STAP1: variants seen among roughly 807,000 people sequenced by gnomAD.
STAP1 encodes signal transducing adaptor family member 1, also known as signal-transducing adaptor protein 1.
In STAP1, 30 loss-of-function variants were observed where a neutral mutation model predicts 37.8. The ratio of observed to expected loss-of-function variants is 0.79; its 90% CI spans 0.59 to 1.08. The LOEUF (loss-of-function observed/expected upper bound fraction) is 1.08. Ranked by LOEUF, STAP1 falls within the 50% of genes least tolerant of loss-of-function variation. The probability of loss-of-function intolerance (pLI) is 0.00; values close to 1 mark genes in which losing one functional copy is unlikely to be tolerated. For synonymous variants in STAP1, 130 were observed against 116.0 expected, an observed-to-expected ratio of 1.12 and a Z score of -0.78; for missense variants, 357 against 349.4, an observed-to-expected ratio of 1.02 and a Z score of -0.17.
intron 1 of STAP1, 26 bp from the exon 2 acceptor site, chr4:67,571,058 T>C (rs1263750391): frequency 1.9e-6 from 3 of 1,569,368 alleles, no homozygotes; most frequent in Non-Finnish European, 2.6e-6. Flanking sequence ...ACTAATGAAA[T>C]AATGTTTATG....
intron 2 of STAP1, among the ~76,000 whole-genome samples, chr4:67,571,560 C>T (rs1247205864): frequency 6.6e-6 from 1 of 152,110 alleles, no homozygotes; most frequent in Admixed American, 6.5e-5. Flanking sequence ...CATGCAAAGC[C>T]ATTATTTAAT....
intron 6 of STAP1, 100 bp downstream of exon 6, chr4:67,583,802 A>G: frequency 7.1e-7 from 1 of 1,413,574 alleles, no homozygotes; most frequent in Non-Finnish European, 9.5e-7. Context: ...TGGGGCTGAA[A>G]ATATGAACAC....
chr4:67,583,610 G>A lies in STAP1; in HGVS notation c.567G>A (p.Glu189=). 2 of 1,613,822 alleles carry A rather than the reference G, an allele frequency of 1.2e-6. No homozygotes were observed. Among genetic ancestry groups the A allele is most frequent in the Middle Eastern group, 1.7e-4 (1 of 6,058 alleles). ...FYTVSRKEAT[E]MLQKNPSLGN... ...CAGTGTCCCGGAAAGAGGCAACTGA[G>A]ATGCTCCAGAAGAACCCTTCTTTGG... is the stretch of plus-strand genomic sequence containing the variant. The change falls in exon 6 of 9, where the codon GAG becomes GAA. Residue 189 remains glutamate (E), a synonymous_variant. Coordinates refer to ENST00000265404, the MANE Select transcript of STAP1 (RefSeq NM_012108.4).
At chr4:67,602,030 C>T (rs972678078) in intron 8 of STAP1, among the ~76,000 whole-genome samples, 3 of 151,628 alleles carry the variant, frequency 2.0e-5, no homozygotes, top group African/African-American at 7.3e-5. Flanking sequence ...TGCTTCATTC[C>T]TTTTTATTCT....
chr4:67,598,578 C>A (rs1466487587), intron 8 of STAP1, among the ~76,000 whole-genome samples: 1 of 152,124 alleles, frequency 6.6e-6, no homozygotes, highest in Non-Finnish European at 1.5e-5. Context: ...TGTATGTCTT[C>A]TTTTGAGAAA....
chr4:67,576,218 C>G (rs1303293795), intron 3 of STAP1, among the ~76,000 whole-genome samples: 1 of 152,174 alleles, frequency 6.6e-6, no homozygotes, highest in Non-Finnish European at 1.5e-5. Context: ...TTTTTCTCCT[C>G]TCCTATGCCC....
intron 3 of STAP1, 72 bp downstream of exon 3, chr4:67,575,570 A>T: frequency 9.0e-7 from 1 of 1,116,192 alleles, no homozygotes. Context: ...CAGTGGCTGA[A>T]GTAAAGAGAA....
rs184841980 is a variant in STAP1 at position 67,587,378 on chromosome 4, G to A, written c.660-3506G>A. 1.8e-4 allele frequency among the ~76,000 whole-genome samples: 28 copies of A among 152,302 alleles called. No individual in the cohort carries two copies. The East Asian group carries it at 5.2e-3, about 28-fold the overall frequency. On this transcript the variant is annotated intron_variant, in intron 6 of 8. Coordinates refer to ENST00000265404, the MANE Select transcript of STAP1 (RefSeq NM_012108.4). ...ATCTGTTCACAGAGCAGCTGTGGGA[G>A]GGAATACTTGTTCTCAGGAATAAAC...
intron 6 of STAP1, among the ~76,000 whole-genome samples, chr4:67,586,321 G>A (rs1727978270): frequency 6.6e-6 from 1 of 152,144 alleles, no homozygotes; most frequent in South Asian, 2.1e-4. Flanking sequence ...GCTGGGTGTG[G>A]TGGCACGCAC....
intron 8 of STAP1, among the ~76,000 whole-genome samples, chr4:67,598,824 T>C (rs755313162): frequency 3.3e-5 from 5 of 152,362 alleles, no homozygotes; most frequent in East Asian, 1.9e-4. Flanking sequence ...TGCCTGTGCT[T>C]GTGTCTTACT....
chr4:67,579,794 G>A (rs1727808973), intron 4 of STAP1, among the ~76,000 whole-genome samples: 1 of 152,132 alleles, frequency 6.6e-6, no homozygotes, highest in Non-Finnish European at 1.5e-5. Context: ...CTCCAACACT[G>A]GGGCTAATTT....
intron 1 of STAP1, among the ~76,000 whole-genome samples, chr4:67,568,010 T>G (rs1578021954): frequency 6.6e-6 from 1 of 152,132 alleles, no homozygotes; most frequent in South Asian, 2.1e-4. Context: ...TTATTAGGCA[T>G]GAAGACAAAG....
intron 8 of STAP1, among the ~76,000 whole-genome samples, chr4:67,598,245 G>A (rs1165543618): frequency 1.3e-5 from 2 of 152,152 alleles, no homozygotes; most frequent in African/African-American, 4.8e-5. Flanking sequence ...AAACATAGGA[G>A]TGCAAATATC....
At chr4:67,585,271 AATCT>A (rs1393892671) in intron 6 of STAP1, among the ~76,000 whole-genome samples, 1 of 152,248 alleles carries the variant, frequency 6.6e-6, no homozygotes, top group Non-Finnish European at 1.5e-5. Context: ...TCTATCAATA[AATCT>A]ATCTACTAAT....
chr4:67,573,020 A>T (rs1727639873), intron 2 of STAP1, among the ~76,000 whole-genome samples: 1 of 152,184 alleles, frequency 6.6e-6, no homozygotes, highest in Admixed American at 6.5e-5. Context: ...ACCTTTTGGG[A>T]ACTTTTTAAA....
chr4:67,585,730 G>A (rs183787905), intron 6 of STAP1, among the ~76,000 whole-genome samples: 2 of 152,252 alleles, frequency 1.3e-5, no homozygotes, highest in East Asian at 3.9e-4. Flanking sequence ...TTAATTGACT[G>A]TCTTGATACA....
chr4:67,578,459 G>T (rs1727775075), intron 4 of STAP1, among the ~76,000 whole-genome samples: 1 of 152,158 alleles, frequency 6.6e-6, no homozygotes, highest in South Asian at 2.1e-4. Flanking sequence ...CAACTATTGT[G>T]TAGGGAAGTT....
chr4:67,569,699 T>A (rs1727555752), intron 1 of STAP1, among the ~76,000 whole-genome samples: 2 of 152,098 alleles, frequency 1.3e-5, no homozygotes, highest in Admixed American at 1.3e-4. Context: ...ATTATCAATA[T>A]CATTATCTTC....
At chr4:67,569,655 C>T (rs182637087) in intron 1 of STAP1, among the ~76,000 whole-genome samples, 3 of 151,988 alleles carry the variant, frequency 2.0e-5, no homozygotes, top group East Asian at 3.9e-4. Context: ...AACTAAGACA[C>T]ACATACATTA....
Sources: allele counts gnomAD v4.1 joint callset (sites outside exome capture counted in the v4.1 genomes callset), GRCh38; gene constraint gnomAD v4.1.1; transcripts MANE v1.5; gene names NCBI Gene and HGNC (gene_info 2026-07-23, HGNC 2026-07-21).